The following SH3BGRL2 variants were observed in gnomAD, a reference collection of about 807,000 sequenced individuals.
SH3BGRL2 encodes the protein SH3 domain-binding glutamic acid-rich-like protein 2.
Under a neutral mutation model 14.8 loss-of-function variants are expected in SH3BGRL2, and 21 were observed. The ratio of observed to expected loss-of-function variants is 1.42; its 90% CI spans 1.01 to 2.05. The LOEUF (loss-of-function observed/expected upper bound fraction) is 2.05. Ranked by LOEUF, SH3BGRL2 falls within the 30% of genes most tolerant of loss-of-function variation. SH3BGRL2 has a pLI of 0.00. For missense variants in SH3BGRL2, 147 were observed against 130.8 expected, an observed-to-expected ratio of 1.12 and a Z score of -0.61; for synonymous variants, 50 against 47.8, an observed-to-expected ratio of 1.05 and a Z score of -0.19.
At chr6:79,623,074 G>C in the SH3BGRL2 span, among the ~76,000 whole-genome samples, 10 of 152,286 alleles carry the variant, frequency 6.6e-5, 1 homozygote, top group South Asian at 2.1e-3. Context: ...GGGAGGCTGA[G>C]GTGGGCAGAT....
chr6:79,638,066 C>A (rs1768961293), intron 1 of SH3BGRL2, among the ~76,000 whole-genome samples: 1 of 152,006 alleles, frequency 6.6e-6, no homozygotes, highest in Non-Finnish European at 1.5e-5. Context: ...GTATAGTGAT[C>A]AAATCAGGGT....
chr6:79,563,896 G>A, the SH3BGRL2 span, among the ~76,000 whole-genome samples: 16 of 152,160 alleles, frequency 1.1e-4, no homozygotes, highest in Non-Finnish European at 2.1e-4. Flanking sequence ...GTTTTGCCAC[G>A]ACAAATATCT....
intron 2 of SH3BGRL2, among the ~76,000 whole-genome samples, chr6:79,681,562 C>T (rs189327805): frequency 3.9e-5 from 6 of 152,220 alleles, no homozygotes; most frequent in Non-Finnish European, 8.8e-5. Context: ...TATGGTGTCT[C>T]CTCTCCTCTT....
At chr6:79,630,953 C>A (rs997227), upstream of SH3BGRL2, among the ~76,000 whole-genome samples, 62,287 of 152,010 alleles carry the variant, frequency 0.41, 13,526 homozygotes, top group East Asian at 0.63. Flanking sequence ...ACGATGTGTG[C>A]CCGCAGCACG....
chr6:79,687,393 A>G (rs186574756), intron 2 of SH3BGRL2, among the ~76,000 whole-genome samples: 10 of 151,858 alleles, frequency 6.6e-5, no homozygotes, highest in Admixed American at 2.0e-4. Flanking sequence ...AGGTAGATGT[A>G]TTTGCTTGCT....
chr6:79,548,515 T>G, the SH3BGRL2 span, among the ~76,000 whole-genome samples: 1 of 152,162 alleles, frequency 6.6e-6, no homozygotes, highest in East Asian at 1.9e-4. Context: ...CACTACATGT[T>G]TTATCCTTCT....
intron 1 of SH3BGRL2, among the ~76,000 whole-genome samples, chr6:79,665,881 C>G (rs772223608): frequency 1.3e-5 from 2 of 152,118 alleles, no homozygotes; most frequent in African/African-American, 2.4e-5. Flanking sequence ...CCTCTTTATC[C>G]TTGGCTTGGT....
the SH3BGRL2 span, among the ~76,000 whole-genome samples, chr6:79,581,089 G>A: frequency 2.0e-5 from 3 of 152,208 alleles, no homozygotes; most frequent in East Asian, 3.9e-4. Flanking sequence ...AATAACCAAG[G>A]AAGAAGTTGA....
the SH3BGRL2 span, among the ~76,000 whole-genome samples, chr6:79,537,750 G>A: frequency 1.3e-5 from 2 of 152,310 alleles, no homozygotes; most frequent in East Asian, 1.9e-4. Flanking sequence ...TGGCGACTGC[G>A]TAATGTAAAA....
chr6:79,660,305 A>G (rs1769517057), intron 1 of SH3BGRL2, among the ~76,000 whole-genome samples: 1 of 152,176 alleles, frequency 6.6e-6, no homozygotes, highest in Non-Finnish European at 1.5e-5. Flanking sequence ...TTACTTTGAG[A>G]TACATTCCAT....
chr6:79,636,076 T>C (rs192843760), intron 1 of SH3BGRL2, among the ~76,000 whole-genome samples: 2 of 152,348 alleles, frequency 1.3e-5, no homozygotes, highest in Admixed American at 1.3e-4. Flanking sequence ...AGAGTATAAC[T>C]GGCCACTTTA....
chr6:79,692,785 T>C (rs1770250417), intron 2 of SH3BGRL2, among the ~76,000 whole-genome samples: 1 of 152,078 alleles, frequency 6.6e-6, no homozygotes. Context: ...TGAAGTCAGG[T>C]AGCATGATGC....
the SH3BGRL2 span, among the ~76,000 whole-genome samples, chr6:79,579,446 A>G: frequency 2.8e-4 from 42 of 152,208 alleles, no homozygotes; most frequent in African/African-American, 8.9e-4. Context: ...CTAGCAGTGG[A>G]TTTCTCAGCA....
At chr6:79,678,612 C>A (rs759097813) in intron 2 of SH3BGRL2, among the ~76,000 whole-genome samples, 1 of 152,142 alleles carries the variant, frequency 6.6e-6, no homozygotes, top group Non-Finnish European at 1.5e-5. Flanking sequence ...GCAAATATCT[C>A]TTTGAAATCC....
At chr6:79,622,919 CTA>C in the SH3BGRL2 span, among the ~76,000 whole-genome samples, 1 of 152,164 alleles carries the variant, frequency 6.6e-6, no homozygotes, top group African/African-American at 2.4e-5. Context: ...TTTTAAAAAG[CTA>C]TGTGTTCTGG....
At chr6:79,572,441 ATTTT>A in the SH3BGRL2 span, among the ~76,000 whole-genome samples, 1 of 139,458 alleles carries the variant, frequency 7.2e-6, no homozygotes, top group Admixed American at 7.0e-5. Flanking sequence ...AATGGCATCT[ATTTT>A]TATTTTATTT....
chr6:79,588,873 G>A, the SH3BGRL2 span, among the ~76,000 whole-genome samples: 1 of 152,088 alleles, frequency 6.6e-6, no homozygotes, highest in Non-Finnish European at 1.5e-5. Flanking sequence ...AAGTCATATA[G>A]CCATTGTGCC....
At chr6:79,642,016 G>A (rs1242917525) in intron 1 of SH3BGRL2, among the ~76,000 whole-genome samples, 2 of 152,130 alleles carry the variant, frequency 1.3e-5, no homozygotes, top group African/African-American at 2.4e-5. Context: ...TGTTGTGCAC[G>A]ACCCATTCAG....
At chr6:79,681,237 G>C (rs1302759670) in intron 2 of SH3BGRL2, among the ~76,000 whole-genome samples, 1 of 152,192 alleles carries the variant, frequency 6.6e-6, no homozygotes, top group Admixed American at 6.5e-5. Context: ...CTGAGAGACA[G>C]ATGGCAAACT....
Sources: allele counts gnomAD v4.1 joint callset (sites outside exome capture counted in the v4.1 genomes callset), GRCh38; gene constraint gnomAD v4.1.1; transcripts MANE v1.5; gene names NCBI Gene and HGNC (gene_info 2026-07-23, HGNC 2026-07-21).